Variants in PDE1C observed in about 807,000 individuals in gnomAD.
PDE1C encodes the protein dual specificity calcium/calmodulin-dependent 3',5'-cyclic nucleotide phosphodiesterase 1C.
PDE1C carries 62 observed loss-of-function variants against 93.1 expected under a neutral mutation model. The observed-to-expected ratio is 0.67, with a 90% confidence interval of 0.54 to 0.82. The LOEUF (loss-of-function observed/expected upper bound fraction) is 0.82, where lower values mean the gene tolerates loss of function less well. Ranked by LOEUF, PDE1C falls within the 40% of genes least tolerant of loss-of-function variation. The pLI is 0.00. For synonymous variants in PDE1C, 325 were observed against 310.1 expected, an observed-to-expected ratio of 1.05 and a Z score of -0.50; for missense variants, 742 against 884.6, an observed-to-expected ratio of 0.84 and a Z score of 2.04.
At chr7:31,883,972 T>A (rs1190441344) in intron 2 of PDE1C, among the ~76,000 whole-genome samples, 1 of 152,188 alleles carries the variant, frequency 6.6e-6, no homozygotes, top group Non-Finnish European at 1.5e-5. Flanking sequence ...AGCAAAACCC[T>A]AGCCAAGTGG....
At chr7:32,205,793 A>G (rs968298778) in intron 2 of PDE1C, among the ~76,000 whole-genome samples, 4 of 152,194 alleles carry the variant, frequency 2.6e-5, no homozygotes, top group African/African-American at 7.2e-5. Context: ...AACTCCAGAC[A>G]TGCCACCTTT....
chr7:31,692,322 T>C, the PDE1C span: 39 of 799,720 alleles, frequency 4.9e-5, no homozygotes, highest in Middle Eastern at 7.1e-4. Context: ...TAGCAGGTGC[T>C]CAACAAATAT....
intron 2 of PDE1C, among the ~76,000 whole-genome samples, chr7:31,882,662 C>T (rs1331874024): frequency 3.3e-5 from 5 of 152,180 alleles, no homozygotes; most frequent in Non-Finnish European, 7.3e-5. Context: ...AATTAAACTT[C>T]TTAAAAATGC....
intron 6 of PDE1C, among the ~76,000 whole-genome samples, chr7:31,868,193 C>A (rs537983272): frequency 6.6e-6 from 1 of 152,046 alleles, no homozygotes; most frequent in Non-Finnish European, 1.5e-5. Flanking sequence ...CAGCAAGAGA[C>A]CCCAATCAAA....
chr7:32,127,075 CT>C (rs1799628551), intron 3 of PDE1C, among the ~76,000 whole-genome samples: 1 of 152,178 alleles, frequency 6.6e-6, no homozygotes, highest in South Asian at 2.1e-4. Context: ...ACAAAAAAGG[CT>C]GTCAATCCTG....
At chr7:32,015,904 G>C (rs1210446356) in intron 2 of PDE1C, among the ~76,000 whole-genome samples, 1 of 152,126 alleles carries the variant, frequency 6.6e-6, no homozygotes, top group Non-Finnish European at 1.5e-5. Context: ...TAAGAGGCAG[G>C]ACTAGACTCC....
intron 1 of PDE1C, among the ~76,000 whole-genome samples, chr7:32,412,018 A>T (rs577155215): frequency 6.6e-6 from 1 of 152,286 alleles, no homozygotes; most frequent in African/African-American, 2.4e-5. Flanking sequence ...TTTCAGAGAC[A>T]AGAGCATGCA....
chr7:31,714,518 G>T, the PDE1C span, among the ~76,000 whole-genome samples: 1 of 152,192 alleles, frequency 6.6e-6, no homozygotes, highest in South Asian at 2.1e-4. Flanking sequence ...GTGTCTTTTC[G>T]GCAGTGCCCC....
intron 1 of PDE1C, among the ~76,000 whole-genome samples, chr7:32,391,276 A>G (rs1053235823): frequency 6.6e-6 from 1 of 152,216 alleles, no homozygotes; most frequent in Non-Finnish European, 1.5e-5. Context: ...AAAAAGCATT[A>G]TATGAAAAGG....
chr7:32,311,993 T>C (rs1477873817), intron 1 of PDE1C, among the ~76,000 whole-genome samples: 1 of 150,208 alleles, frequency 6.7e-6, no homozygotes, highest in Non-Finnish European at 1.5e-5. Context: ...CATGATTGTA[T>C]ATCTAGAAAA....
At chr7:31,702,974 T>C in the PDE1C span, among the ~76,000 whole-genome samples, 1 of 152,228 alleles carries the variant, frequency 6.6e-6, no homozygotes, top group African/African-American at 2.4e-5. Context: ...ACATGGTCTT[T>C]GGATTCACAA....
At chr7:32,085,516 A>C (rs1218108472) in intron 3 of PDE1C, among the ~76,000 whole-genome samples, 25 of 149,728 alleles carry the variant, frequency 1.7e-4, no homozygotes, top group Non-Finnish European at 3.5e-4. Context: ...GGCCAGCATC[A>C]TCCTGATACC....
chr7:32,237,746 A>ATATATG (rs1375506257), intron 1 of PDE1C, among the ~76,000 whole-genome samples: 1 of 90,032 alleles, frequency 1.1e-5, no homozygotes, highest in African/African-American at 5.0e-5. Context: ...CTCTGTGTAT[A>ATATATG]TATATATATA....
the PDE1C span, among the ~76,000 whole-genome samples, chr7:31,648,796 C>CT: frequency 5.9e-5 from 9 of 152,224 alleles, no homozygotes; most frequent in African/African-American, 2.2e-4. Context: ...GGACAAGCAA[C>CT]TTATCCTTGT....
chr7:31,631,297 CACAG>C, the PDE1C span, among the ~76,000 whole-genome samples: 18 of 152,202 alleles, frequency 1.2e-4, no homozygotes, highest in African/African-American at 4.3e-4. Context: ...TGCGTGCACA[CACAG>C]ACACACAAAT....
At chr7:31,816,210 T>C (rs1471847117) in intron 14 of PDE1C, 56 bp from the exon 15 acceptor site, 16 of 1,498,412 alleles carry the variant, frequency 1.1e-5, no homozygotes, top group Non-Finnish European at 1.4e-5. Context: ...GGTCATGCCG[T>C]TAGGAGAATG....
chr7:32,256,039 A>G (rs1416045213), intron 1 of PDE1C, among the ~76,000 whole-genome samples: 3 of 152,212 alleles, frequency 2.0e-5, no homozygotes, highest in Non-Finnish European at 4.4e-5. Flanking sequence ...AGGAGGTTAG[A>G]GCTGCTCAAA....
chr7:32,209,028 G>A lies in PDE1C; in HGVS notation c.136+461C>T, dbSNP rs531896448. Among the ~76,000 whole-genome samples, 11 of 152,292 alleles carry A rather than the reference G, an allele frequency of 7.2e-5. No homozygotes were observed. In the South Asian group the frequency reaches 8.3e-4, roughly 11 times the overall value. ...GCCTTCATAGCTACAAGCATTTCAC[G>A]TACCTCTCCTCACTTTATCTTCATA... On this transcript the variant is annotated intron_variant, in intron 2 of 18. Transcript: ENST00000396193.
At chr7:32,099,171 T>C (rs1797921053) in intron 3 of PDE1C, among the ~76,000 whole-genome samples, 1 of 152,174 alleles carries the variant, frequency 6.6e-6, no homozygotes, top group Non-Finnish European at 1.5e-5. Context: ...ACAAATATTG[T>C]TATATAAACA....
Sources: gnomAD v4.1 joint callset for allele counts (sites outside exome capture counted in the v4.1 genomes callset) on GRCh38, gnomAD v4.1.1 for gene constraint, MANE v1.5 for transcripts, NCBI Gene and HGNC (gene_info 2026-07-23, HGNC 2026-07-21) for gene names.